Variants in GMDS observed in about 807,000 individuals in gnomAD.
The protein encoded by GMDS is GDP-mannose 4,6 dehydratase.
GMDS carries 20 observed loss-of-function variants against 49.9 expected under a neutral mutation model. The ratio of observed to expected loss-of-function variants is 0.40; its 90% CI spans 0.28 to 0.58. GMDS has a LOEUF of 0.58. Among genes scored for constraint, GMDS ranks in the 20% least tolerant of loss-of-function variants. The probability of loss-of-function intolerance (pLI) is 0.42; values close to 1 mark genes in which losing one functional copy is unlikely to be tolerated. For synonymous variants in GMDS, 177 were observed against 178.6 expected (o/e 0.99, Z 0.07); for missense variants, 362 against 481.4 (o/e 0.75, Z 2.32).
intron 4 of GMDS, among the ~76,000 whole-genome samples, chr6:2,051,734 A>C (rs2127437458): frequency 6.6e-6 from 1 of 152,320 alleles, no homozygotes; most frequent in Non-Finnish European, 1.5e-5. Flanking sequence ...ATCTAAGCAT[A>C]TATTAAACCA....
chr6:2,150,247 A>C (rs1776779416), intron 1 of GMDS, among the ~76,000 whole-genome samples: 2 of 152,176 alleles, frequency 1.3e-5, no homozygotes, highest in Admixed American at 6.5e-5. Flanking sequence ...TCAAGGTGAA[A>C]TAAATTAATG....
At chr6:1,679,059 T>G (rs541106659) in intron 9 of GMDS, 2 of 152,348 alleles carry the variant, frequency 1.3e-5, no homozygotes, top group South Asian at 4.1e-4. Context: ...AACATGTGCA[T>G]GCGTACAGAG....
chr6:1,624,402 G>A, intron 10 of GMDS, 70 bp downstream of exon 10: 19 of 1,445,006 alleles, frequency 1.3e-5, no homozygotes, highest in Non-Finnish European at 1.7e-5. Flanking sequence ...TCAGGCGCCC[G>A]ACCCTGAGAG....
chr6:1,998,261 G>A (rs1377347192), intron 4 of GMDS, among the ~76,000 whole-genome samples: 1 of 152,140 alleles, frequency 6.6e-6, no homozygotes, highest in East Asian at 1.9e-4. Flanking sequence ...AAACTTCCAA[G>A]AGGATAAACA....
chr6:2,022,874 C>T (rs902921940), intron 4 of GMDS, among the ~76,000 whole-genome samples: 3 of 152,028 alleles, frequency 2.0e-5, no homozygotes, highest in African/African-American at 7.2e-5. Flanking sequence ...TCCAATAAGC[C>T]CTCTGTCTGA....
intron 7 of GMDS, among the ~76,000 whole-genome samples, chr6:1,915,231 G>A (rs1173875613): frequency 3.3e-5 from 5 of 152,238 alleles, no homozygotes; most frequent in African/African-American, 1.2e-4. Context: ...GGTTCAAGAC[G>A]CTGTGAGAGA....
chr6:2,006,304 T>C (rs1012721676), intron 4 of GMDS, among the ~76,000 whole-genome samples: 3 of 150,680 alleles, frequency 2.0e-5, no homozygotes, highest in Admixed American at 6.6e-5. Flanking sequence ...GGCCCATGTC[T>C]GTAGTCCCAG....
intron 4 of GMDS, among the ~76,000 whole-genome samples, chr6:2,056,123 C>T (rs1165536736): frequency 6.6e-6 from 1 of 152,022 alleles, no homozygotes; most frequent in East Asian, 1.9e-4. Context: ...TGTATGTCAC[C>T]AAATAAGAAA....
chr6:1,743,018 A>G (rs1182873390), intron 7 of GMDS, among the ~76,000 whole-genome samples: 1 of 152,236 alleles, frequency 6.6e-6, no homozygotes, highest in African/African-American at 2.4e-5. Flanking sequence ...GTAGTCAAGG[A>G]AAAAAACCAT....
At chr6:2,137,966 A>G (rs1356099761) in intron 1 of GMDS, among the ~76,000 whole-genome samples, 1 of 152,244 alleles carries the variant, frequency 6.6e-6, no homozygotes, top group East Asian at 1.9e-4. Context: ...CAATAAGAGA[A>G]ATACCAGCCT....
intron 7 of GMDS, among the ~76,000 whole-genome samples, chr6:1,904,476 CAGACAGAATA>C (rs1391515998): frequency 1.3e-5 from 2 of 152,152 alleles, no homozygotes; most frequent in Non-Finnish European, 2.9e-5. Context: ...TTTTTGCAGG[CAGACAGAATA>C]AGTCAAAAGA....
intron 4 of GMDS, among the ~76,000 whole-genome samples, chr6:2,035,978 C>T (rs1362030331): frequency 5.3e-5 from 8 of 152,252 alleles, no homozygotes; most frequent in African/African-American, 1.9e-4. Context: ...TGAGCCACCG[C>T]GCCCAGCCAA....
rs1157303919 is a variant in GMDS at position 2,159,514 on chromosome 6, CT to C, written c.103-34784del. ...TAATTTTTTCAATATTTCTTTTTTT[CT>C]TTTTTTTTTTTTTTTTTTTTTGAGA... On this transcript the variant is annotated intron_variant, in intron 1 of 10. Coordinates refer to ENST00000380815, the MANE Select transcript of GMDS (RefSeq NM_001500.4). Among the ~76,000 whole-genome samples the C allele has an allele frequency of 3.0e-3, 323 of 108,192 alleles. 1 individual carries two copies. Among genetic ancestry groups the C allele is most frequent in the African/African-American group, 6.1e-3 (177 of 29,034 alleles). The allele number at this position is 108,192 out of a possible 152,430, so 71.0% of individuals were successfully genotyped here.
At chr6:2,067,636 C>A (rs1250575028) in intron 4 of GMDS, among the ~76,000 whole-genome samples, 1 of 152,030 alleles carries the variant, frequency 6.6e-6, no homozygotes, top group East Asian at 1.9e-4. Flanking sequence ...ACTATAAACA[C>A]CTCTACGCAA....
chr6:1,652,597 TTATATATAA>T (rs1341532748), intron 9 of GMDS, among the ~76,000 whole-genome samples: 2 of 4,528 alleles, frequency 4.4e-4, no homozygotes, highest in African/African-American at 5.2e-4. Flanking sequence ...ATATAATATA[TTATATATAA>T]TATATATAAT....
At chr6:2,052,130 AG>A (rs67676518) in intron 4 of GMDS, among the ~76,000 whole-genome samples, 5,089 of 133,512 alleles carry the variant, frequency 0.038, 712 homozygotes, top group Non-Finnish European at 0.062. Flanking sequence ...AAAAAAAAAA[AG>A]AAAAAAAAAA....
chr6:1,738,472 G>C (rs763050534), intron 8 of GMDS, among the ~76,000 whole-genome samples: 17 of 152,314 alleles, frequency 1.1e-4, no homozygotes, highest in South Asian at 4.1e-4. Flanking sequence ...TAAATATACA[G>C]ATGGCGACAC....
intron 9 of GMDS, among the ~76,000 whole-genome samples, chr6:1,649,192 A>G (rs1036564665): frequency 2.0e-5 from 3 of 152,188 alleles, no homozygotes; most frequent in African/African-American, 7.2e-5. Flanking sequence ...TTGGAATAAT[A>G]CTGTGATGTA....
intron 1 of GMDS, among the ~76,000 whole-genome samples, chr6:2,240,512 G>A (rs988818111): frequency 8.7e-5 from 13 of 149,826 alleles, no homozygotes; most frequent in Non-Finnish European, 1.5e-4. Flanking sequence ...GCTAAGGCAC[G>A]AGAATCATTT....
Sources: allele counts gnomAD v4.1 joint callset (sites outside exome capture counted in the v4.1 genomes callset), GRCh38; gene constraint gnomAD v4.1.1; transcripts MANE v1.5; gene names NCBI Gene and HGNC (gene_info 2026-07-23, HGNC 2026-07-21).